Variants in CEP76 observed in about 807,000 individuals in gnomAD.
CEP76 encodes the protein centrosomal protein 76, also known as centrosomal protein of 76 kDa.
CEP76 carries 55 observed loss-of-function variants against 83.3 expected under a neutral mutation model. The ratio of observed to expected loss-of-function variants is 0.66; its 90% CI spans 0.53 to 0.83. CEP76 has a LOEUF of 0.83. CEP76 is among the 40% of genes least tolerant of loss of function. The probability of loss-of-function intolerance (pLI) is 0.00; values close to 1 mark genes in which losing one functional copy is unlikely to be tolerated. For synonymous variants in CEP76, 270 were observed against 274.5 expected (o/e 0.98, Z 0.16); for missense variants, 694 against 799.5 (o/e 0.87, Z 1.59).
chr18:12,665,514 T>C (rs1381790105), intron 12 of CEP76, among the ~76,000 whole-genome samples: 1 of 152,180 alleles, frequency 6.6e-6, no homozygotes, highest in Non-Finnish European at 1.5e-5. Context: ...TTATGTGCCA[T>C]ACCTGTTCAT....
chr18:12,674,705 A>G lies in CEP76; in HGVS notation c.1672T>C (p.Ser558Pro). 6.2e-7 allele frequency: 1 copy of G among 1,614,136 alleles called. No homozygotes were observed. The highest frequency in any genetic ancestry group is 2.2e-5 in the East Asian group (1 of 44,874). Residue 558 changes from serine (S) to proline (P), a missense_variant, in exon 11 of 12, where the codon TCA becomes CCA. Transcript: ENST00000262127. The part of the protein sequence containing the change: ...VWEDQLSYLL[S>P]PALASYEFER... Reference sequence around the variant, plus strand: ...AATTCATAAGAAGCCAAAGCTGGTGATAAAAGGTAGGAGAGCTGGTCTTCC... The same window carrying G: ...AATTCATAAGAAGCCAAAGCTGGTGGTAAAAGGTAGGAGAGCTGGTCTTCC...
intron 6 of CEP76, among the ~76,000 whole-genome samples, chr18:12,694,531 G>C (rs1332894729): frequency 1.3e-5 from 2 of 152,066 alleles, no homozygotes; most frequent in Non-Finnish European, 2.9e-5. Context: ...GTGGAATTAG[G>C]GAAAAAAGCC....
At chr18:12,678,618 C>T (rs1032374438) in intron 9 of CEP76, among the ~76,000 whole-genome samples, 176 bp from the exon 10 acceptor site, 1 of 151,908 alleles carries the variant, frequency 6.6e-6, no homozygotes, top group African/African-American at 2.4e-5. Context: ...TTGTATGGTA[C>T]GTCTTTACAA....
intron 4 of CEP76, chr18:12,698,770 G>A: frequency 1.8e-6 from 1 of 559,988 alleles, no homozygotes; most frequent in East Asian, 2.9e-5. Flanking sequence ...AATGAAAACA[G>A]TCAAAAAATA....
exon 13 of CEP76, chr18:12,661,983 T>C: frequency 3.9e-6 from 1 of 255,782 alleles, no homozygotes; most frequent in African/African-American, 2.2e-5. Context: ...TTTGTTACTT[T>C]ATTAAAAATT....
downstream of CEP76, chr18:12,670,591 T>C (rs2038918014): frequency 6.6e-6 from 1 of 152,222 alleles, no homozygotes; most frequent in South Asian, 2.1e-4. Flanking sequence ...GTCTCAAAAG[T>C]TGAAAATTAC....
chr18:12,667,263 C>A (rs2038821707), intron 12 of CEP76, among the ~76,000 whole-genome samples: 2 of 152,034 alleles, frequency 1.3e-5, no homozygotes, highest in Non-Finnish European at 2.9e-5. Context: ...GAGTTTAAGA[C>A]CTGTATTTGA....
At chr18:12,681,099 G>A (rs567164075) in intron 8 of CEP76, among the ~76,000 whole-genome samples, 3 of 151,030 alleles carry the variant, frequency 2.0e-5, no homozygotes, top group South Asian at 2.1e-4. Context: ...CTCAGGAGGC[G>A]AGGCAAGAGA....
chr18:12,667,773 A>AAAAAG (rs1308845197), downstream of CEP76, among the ~76,000 whole-genome samples: 2 of 149,426 alleles, frequency 1.3e-5, no homozygotes, highest in Non-Finnish European at 3.0e-5. Context: ...AAAAAAAAAA[A>AAAAAG]AAAAGAAAAG....
intron 7 of CEP76, among the ~76,000 whole-genome samples, chr18:12,690,674 C>T (rs1243087335): frequency 6.6e-6 from 1 of 152,122 alleles, no homozygotes; most frequent in Non-Finnish European, 1.5e-5. Context: ...CCAGGATGGT[C>T]TCGATCTCCT....
chr18:12,691,553 C>G, intron 6 of CEP76, 66 bp from the exon 7 acceptor site: 1 of 1,196,350 alleles, frequency 8.4e-7, no homozygotes, highest in Non-Finnish European at 1.2e-6. Context: ...AAATATGTAG[C>G]AAATTTATCT....
intron 12 of CEP76, among the ~76,000 whole-genome samples, chr18:12,663,905 C>G (rs1194287901): frequency 2.0e-5 from 3 of 152,150 alleles, no homozygotes; most frequent in African/African-American, 7.2e-5. Flanking sequence ...TGGTTTATGC[C>G]TGTAATCCCA....
At chr18:12,695,122 G>T in intron 6 of CEP76, 132 bp downstream of exon 6, 1 of 448,290 alleles carries the variant, frequency 2.2e-6, no homozygotes, top group Non-Finnish European at 4.0e-6. Flanking sequence ...TCCTTTTTGT[G>T]AACCTTTGAG....
intron 10 of CEP76, 81 bp from the exon 11 acceptor site, chr18:12,674,834 T>C: frequency 1.3e-6 from 1 of 771,948 alleles, no homozygotes; most frequent in Non-Finnish European, 2.0e-6. Context: ...TTGATTATTT[T>C]AATGTATACC....
At chr18:12,700,887 A>C in intron 2 of CEP76, 71 bp downstream of exon 2, 1 of 1,275,260 alleles carries the variant, frequency 7.8e-7, no homozygotes, top group Non-Finnish European at 1.1e-6. Flanking sequence ...CCACATCGGA[A>C]CCTTATAAGT....
intron 11 of CEP76, 72 bp from the exon 12 acceptor site, chr18:12,673,575 C>T (rs12959199): frequency 0.11 from 144,468 of 1,279,666 alleles, 9,323 homozygotes; most frequent in Non-Finnish European, 0.13. Context: ...GCAAGTAAAT[C>T]AGTATTTAAA....
At chr18:12,663,159 C>T (rs1040059080) in intron 12 of CEP76, among the ~76,000 whole-genome samples, 1 of 152,178 alleles carries the variant, frequency 6.6e-6, no homozygotes, top group Admixed American at 6.5e-5. Flanking sequence ...TCCTATAACA[C>T]AAACTTTCCA....
chr18:12,673,080 ATATT>A lies in CEP76; in HGVS notation c.*281_*284del. On this transcript the variant is annotated 3_prime_UTR_variant, in exon 12 of 12. Transcript: ENST00000262127. ...AGAAAACTGAATGCATTTTATATTA[ATATT>A]TAAACTACTGATAACTGTAAACAAA... 1.0e-6 allele frequency: 1 copy of A among 1,004,144 alleles called. No homozygotes were observed. The highest frequency in any genetic ancestry group is 1.2e-6 in the Non-Finnish European group (1 of 829,564). The allele number at this position is 1,004,144 out of a possible 1,614,324, so 62.2% of individuals were successfully genotyped here.
Position 12,695,251 on chromosome 18 carries a change from T to G in CEP76, c.804+3A>C. 1 of 1,358,938 alleles carries G rather than the reference T, an allele frequency of 7.4e-7. No individual in the cohort carries two copies. The highest frequency in any genetic ancestry group is 1.0e-6 in the Non-Finnish European group (1 of 965,810). 84.2% of individuals were successfully genotyped at this position (1,358,938 alleles called of 1,614,324 possible). On this transcript the variant is annotated splice_donor_region_variant and intron_variant, in intron 6 of 11. Coordinates refer to ENST00000262127, the MANE Select transcript of CEP76 (RefSeq NM_024899.4). Reference sequence around the variant, plus strand: ...AAAAAAAGAGAAACTCATAAGTATTTACCTGTGTGTTCACTACTTCTTGAG... The same window carrying G: ...AAAAAAAGAGAAACTCATAAGTATTGACCTGTGTGTTCACTACTTCTTGAG...
Sources: allele counts gnomAD v4.1 joint callset (sites outside exome capture counted in the v4.1 genomes callset), GRCh38; gene constraint gnomAD v4.1.1; transcripts MANE v1.5; gene names NCBI Gene and HGNC (gene_info 2026-07-23, HGNC 2026-07-21).